The following DGKB variants were observed in gnomAD, a reference collection of about 807,000 sequenced individuals.
The protein encoded by DGKB is diacylglycerol kinase beta.
DGKB carries 67 observed loss-of-function variants against 114.3 expected under a neutral mutation model. That is an observed-to-expected ratio of 0.59 (90% CI 0.48 to 0.72). The LOEUF (loss-of-function observed/expected upper bound fraction) is 0.72, where lower values mean the gene tolerates loss of function less well. Ranked by LOEUF, DGKB falls within the 30% of genes least tolerant of loss-of-function variation. The probability of loss-of-function intolerance (pLI) is 0.00; values close to 1 mark genes in which losing one functional copy is unlikely to be tolerated. For synonymous variants in DGKB, 398 were observed against 323.1 expected (o/e 1.23, Z -2.49); for missense variants, 907 against 975.2 (o/e 0.93, Z 0.93).
chr7:14,719,958 A>G (rs1828863629), intron 5 of DGKB, among the ~76,000 whole-genome samples: 1 of 152,136 alleles, frequency 6.6e-6, no homozygotes, highest in Non-Finnish European at 1.5e-5. Flanking sequence ...ACAGATTTTA[A>G]CTTCCCAGAG....
chr7:14,769,070 T>TAAAGA (rs1554265601), intron 2 of DGKB, among the ~76,000 whole-genome samples: 1 of 84,268 alleles, frequency 1.2e-5, no homozygotes, highest in Non-Finnish European at 2.3e-5. Context: ...TTTTTAAAGA[T>TAAAGA]AAGAAAGAAA....
intron 21 of DGKB, among the ~76,000 whole-genome samples, chr7:14,393,522 T>A (rs1391036507): frequency 2.0e-5 from 3 of 152,216 alleles, no homozygotes; most frequent in African/African-American, 7.2e-5. Context: ...TAAATATCTT[T>A]AATTTTGCAT....
chr7:14,733,632 G>A (rs1831230552), intron 5 of DGKB, among the ~76,000 whole-genome samples: 6 of 151,994 alleles, frequency 3.9e-5, no homozygotes, highest in Admixed American at 3.3e-4. Flanking sequence ...AGGTTGCAGT[G>A]AGCCAAGATC....
chr7:14,207,250 A>G (rs1033987175), intron 23 of DGKB, among the ~76,000 whole-genome samples: 5 of 152,108 alleles, frequency 3.3e-5, no homozygotes, highest in East Asian at 3.9e-4. Flanking sequence ...ACTGTAATCT[A>G]TCAGAGTGTG....
intron 1 of DGKB, among the ~76,000 whole-genome samples, chr7:14,881,848 G>T (rs894403011): frequency 2.6e-5 from 4 of 151,920 alleles, no homozygotes; most frequent in African/African-American, 9.7e-5. Context: ...ATAACCTAAA[G>T]GTTAGTATAT....
intron 21 of DGKB, among the ~76,000 whole-genome samples, chr7:14,411,977 C>A (rs1824956797): frequency 1.3e-5 from 2 of 152,036 alleles, no homozygotes; most frequent in South Asian, 2.1e-4. Context: ...TATTGATATA[C>A]CAGAAAATCA....
At chr7:14,244,137 G>A (rs1794080839) in intron 23 of DGKB, among the ~76,000 whole-genome samples, 1 of 152,040 alleles carries the variant, frequency 6.6e-6, no homozygotes, top group Non-Finnish European at 1.5e-5. Context: ...AGTGATTAGG[G>A]AAGACATAAA....
At chr7:14,464,243 C>T (rs1833519186) in intron 21 of DGKB, among the ~76,000 whole-genome samples, 1 of 152,106 alleles carries the variant, frequency 6.6e-6, no homozygotes, top group South Asian at 2.1e-4. Flanking sequence ...TGAATTTGAA[C>T]ATAAATGAAT....
intron 20 of DGKB, among the ~76,000 whole-genome samples, chr7:14,542,987 G>C (rs575697061): frequency 6.6e-6 from 1 of 152,146 alleles, no homozygotes; most frequent in Non-Finnish European, 1.5e-5. Context: ...GAAAGATATG[G>C]ATATGTCAGT....
intron 21 of DGKB, among the ~76,000 whole-genome samples, chr7:14,374,897 G>A (rs1818245478): frequency 1.3e-5 from 2 of 152,072 alleles, no homozygotes; most frequent in Admixed American, 6.6e-5. Context: ...TGTCTCCTGA[G>A]GAGGGCACAG....
intron 21 of DGKB, among the ~76,000 whole-genome samples, chr7:14,382,086 C>G (rs1415318363): frequency 1.7e-5 from 2 of 119,818 alleles, no homozygotes; most frequent in Non-Finnish European, 3.8e-5. Flanking sequence ...GTCTAAACTG[C>G]AAATAGTTTT....
chr7:14,672,754 G>A (rs937792080), intron 13 of DGKB, among the ~76,000 whole-genome samples, 175 bp downstream of exon 13: 8 of 152,036 alleles, frequency 5.3e-5, no homozygotes, highest in African/African-American at 1.9e-4. Flanking sequence ...TTTGACAGAA[G>A]GAAAAAGGAA....
intron 13 of DGKB, among the ~76,000 whole-genome samples, chr7:14,653,625 T>C (rs1460048584): frequency 1.3e-5 from 2 of 150,962 alleles, no homozygotes; most frequent in African/African-American, 2.5e-5. Flanking sequence ...CTGCACAATG[T>C]GCACATGTAC....
At chr7:14,452,603 G>A (rs971589179) in intron 21 of DGKB, among the ~76,000 whole-genome samples, 4 of 151,992 alleles carry the variant, frequency 2.6e-5, no homozygotes, top group Non-Finnish European at 5.9e-5. Flanking sequence ...TCACCTGAAT[G>A]TGAATTTAAC....
chr7:14,509,130 T>A (rs1237504861), intron 20 of DGKB, among the ~76,000 whole-genome samples: 1 of 152,154 alleles, frequency 6.6e-6, no homozygotes, highest in Non-Finnish European at 1.5e-5. Context: ...TCCTGGTCAA[T>A]TTATGTCTAT....
At position 14,233,911 on chromosome 7, in the gene DGKB, C is replaced by T. The variant is rs1408229787; in HGVS notation, c.2123-55760G>A. On this transcript the variant is annotated intron_variant, in intron 23 of 25. Transcript: ENST00000402815. ...GTTTGTCACTCCTCACATCACAATT[C>T]CACTTAACTAAACAAAGGCCTGGCA... Among the ~76,000 whole-genome samples the T allele has an allele frequency of 2.0e-5, 3 of 151,710 alleles. No homozygotes were observed. The South Asian group carries it at 6.2e-4, about 31-fold the overall frequency.
intron 17 of DGKB, among the ~76,000 whole-genome samples, chr7:14,593,071 C>T (rs191217546): frequency 6.6e-6 from 1 of 151,936 alleles, no homozygotes; most frequent in East Asian, 1.9e-4. Flanking sequence ...AATTATGTTA[C>T]CATAATAACC....
chr7:14,310,572 A>T (rs1805225903), intron 23 of DGKB, among the ~76,000 whole-genome samples: 1 of 152,208 alleles, frequency 6.6e-6, no homozygotes, highest in Non-Finnish European at 1.5e-5. Flanking sequence ...TCAGGAGGTT[A>T]AGGCCAGGCA....
At chr7:14,301,529 G>C (rs1169823002) in intron 23 of DGKB, among the ~76,000 whole-genome samples, 2 of 152,048 alleles carry the variant, frequency 1.3e-5, no homozygotes, top group African/African-American at 2.4e-5. Context: ...ATCCTCATAA[G>C]AGCAGTCAGT....
Sources: allele counts gnomAD v4.1 joint callset (sites outside exome capture counted in the v4.1 genomes callset), GRCh38; gene constraint gnomAD v4.1.1; transcripts MANE v1.5; gene names NCBI Gene and HGNC (gene_info 2026-07-23, HGNC 2026-07-21).